BRMS1L: variants seen among roughly 807,000 people sequenced by gnomAD.
BRMS1L encodes the protein BRMS1 like transcriptional repressor.
Under a neutral mutation model 50.3 loss-of-function variants are expected in BRMS1L, and 23 were observed. The ratio of observed to expected loss-of-function variants is 0.46; its 90% CI spans 0.33 to 0.65. BRMS1L has a LOEUF of 0.65. BRMS1L is among the 30% of genes least tolerant of loss of function. The pLI, the probability that BRMS1L is intolerant of heterozygous loss-of-function variation, is 0.02. For synonymous variants in BRMS1L, 114 were observed against 126.9 expected, an observed-to-expected ratio of 0.90 and a Z score of 0.69; for missense variants, 286 against 386.1, an observed-to-expected ratio of 0.74 and a Z score of 2.17.
rs978322385 is a variant in BRMS1L, at chr14:35,831,828, G to A, written c.233+328G>A. Among the ~76,000 whole-genome samples the A allele has an allele frequency of 5.9e-5, 9 of 152,290 alleles. No individual in the cohort carries two copies. The Middle Eastern group carries it at 0.01, about 173-fold the overall frequency. The stretch of plus-strand genomic sequence containing the variant: ...CCAGCTACTTGGGAGGTTAAGGCAG[G>A]TGGATCAATTGAGCCCAGGAGGTCA... On this transcript the variant is annotated intron_variant, in intron 2 of 9. Transcript: ENST00000216807.
At position 35,870,404 on chromosome 14, in the gene BRMS1L, G is replaced by A; in HGVS notation, c.899G>A (p.Arg300Lys). The A allele has an allele frequency of 6.2e-7, 1 of 1,608,896 alleles. No individual in the cohort carries two copies. Among genetic ancestry groups the A allele is most frequent in the Non-Finnish European group, 8.5e-7 (1 of 1,177,610 alleles). Reference protein sequence around the residue: ...TINHDEVWFKRPDGSKSKLYI... With the variant: ...TINHDEVWFKKPDGSKSKLYI... ...AACCATGATGAAGTTTGGTTTAAGA[G>A]GCCTGATGGAAGCAAATCTAAGCTT... The change falls in exon 10 of 10, where the codon AGG becomes AAG. Residue 300 changes from arginine (R) to lysine (K), a missense_variant. Around this residue, in one of 5 missense-constraint regions of BRMS1L, gnomAD observed 49 missense variants for 39.1 expected, o/e 1.25. Coordinates refer to ENST00000216807, the MANE Select transcript of BRMS1L (RefSeq NM_032352.4).
chr14:35,867,666 T>G, intron 8 of BRMS1L: 1 of 249,430 alleles, frequency 4.0e-6, no homozygotes, highest in Non-Finnish European at 7.5e-6. Context: ...ACTTAATTAG[T>G]CAATTGATGA....
intron 1 of BRMS1L, 79 bp downstream of exon 1, chr14:35,826,737 G>A (rs1250089072): frequency 6.4e-7 from 1 of 1,558,890 alleles, no homozygotes; most frequent in South Asian, 1.2e-5. Flanking sequence ...AGGCGGCTGC[G>A]TCCTGCTGGG....
intron 4 of BRMS1L, among the ~76,000 whole-genome samples, chr14:35,861,363 G>A (rs2078348841): frequency 6.6e-6 from 1 of 152,176 alleles, no homozygotes; most frequent in African/African-American, 2.4e-5. Context: ...TGTATTTAGA[G>A]TCATCTTTGG....
chr14:35,868,787 A>G (rs1472003868), intron 9 of BRMS1L, among the ~76,000 whole-genome samples: 1 of 152,166 alleles, frequency 6.6e-6, no homozygotes, highest in Non-Finnish European at 1.5e-5. Flanking sequence ...CTCTAACAAC[A>G]ACAACAACAA....
intron 8 of BRMS1L, 68 bp from the exon 9 acceptor site, chr14:35,867,838 A>G: frequency 6.9e-7 from 1 of 1,441,368 alleles, no homozygotes; most frequent in Non-Finnish European, 9.1e-7. Flanking sequence ...TTAATTGTTA[A>G]TGTTCTGACC....
chr14:35,848,112 C>T (rs1490734877), intron 4 of BRMS1L, among the ~76,000 whole-genome samples: 1 of 152,094 alleles, frequency 6.6e-6, no homozygotes, highest in East Asian at 1.9e-4. Flanking sequence ...TTTCAGGATG[C>T]TCCAGACTGT....
At chr14:35,867,802 CT>C in intron 8 of BRMS1L, 103 bp from the exon 9 acceptor site, 5 of 1,142,146 alleles carry the variant, frequency 4.4e-6, no homozygotes, top group South Asian at 3.0e-5. Context: ...ATTTTTAGGC[CT>C]TTTTTACATA....
intron 9 of BRMS1L, among the ~76,000 whole-genome samples, chr14:35,870,043 G>T (rs139199614): frequency 6.6e-6 from 1 of 151,050 alleles, no homozygotes; most frequent in Non-Finnish European, 1.5e-5. Context: ...TATACATAGC[G>T]CTTTTAGCTC....
At chr14:35,865,598 T>A in intron 7 of BRMS1L, 124 bp from the exon 8 acceptor site, 2 of 742,784 alleles carry the variant, frequency 2.7e-6, no homozygotes, top group Non-Finnish European at 4.3e-6. Context: ...AGCTAATGGT[T>A]ATACTTTACT....
chr14:35,848,381 G>C (rs2078164995), intron 4 of BRMS1L, among the ~76,000 whole-genome samples: 1 of 151,932 alleles, frequency 6.6e-6, no homozygotes, highest in South Asian at 2.1e-4. Context: ...GTCTTTCTCT[G>C]TTGCTATGTG....
chr14:35,840,163 G>A (rs1355612812), intron 4 of BRMS1L, among the ~76,000 whole-genome samples: 2 of 152,120 alleles, frequency 1.3e-5, no homozygotes, highest in East Asian at 3.8e-4. Context: ...TTTATGTGAT[G>A]GATTACGTTT....
chr14:35,826,847 C>G, intron 1 of BRMS1L, 189 bp downstream of exon 1: 1 of 818,524 alleles, frequency 1.2e-6, no homozygotes, highest in Non-Finnish European at 1.8e-6. Flanking sequence ...TGATGGGTCC[C>G]GGCGGCGGGG....
intron 9 of BRMS1L, 125 bp from the exon 10 acceptor site, chr14:35,870,235 T>C (rs1281308887): frequency 3.4e-6 from 2 of 591,606 alleles, no homozygotes; most frequent in African/African-American, 1.9e-5. Flanking sequence ...TTCTGGTAAA[T>C]GACAATTATA....
chr14:35,843,961 C>G (rs893637908), intron 4 of BRMS1L, among the ~76,000 whole-genome samples: 5 of 152,200 alleles, frequency 3.3e-5, no homozygotes, highest in African/African-American at 1.2e-4. Flanking sequence ...CCAGTTGCAA[C>G]TTCCTGGTGG....
At chr14:35,861,834 T>C (rs1275122572) in intron 4 of BRMS1L, among the ~76,000 whole-genome samples, 1 of 152,226 alleles carries the variant, frequency 6.6e-6, no homozygotes, top group Non-Finnish European at 1.5e-5. Flanking sequence ...TATCCAATTA[T>C]CTAATATCCT....
At chr14:35,864,393 C>T (rs541442704) in intron 6 of BRMS1L, among the ~76,000 whole-genome samples, 12 of 152,168 alleles carry the variant, frequency 7.9e-5, no homozygotes, top group African/African-American at 2.9e-4. Flanking sequence ...TCCCAAGTAG[C>T]TGGGACTACA....
At chr14:35,855,933 C>G (rs990272645) in intron 4 of BRMS1L, among the ~76,000 whole-genome samples, 1 of 152,162 alleles carries the variant, frequency 6.6e-6, no homozygotes, top group Non-Finnish European at 1.5e-5. Context: ...AATTAATGAG[C>G]AGCAGAACCA....
chr14:35,871,545 C>T lies in BRMS1L; in HGVS notation c.*1068C>T, dbSNP rs1175746861. On this transcript the variant is annotated 3_prime_UTR_variant, in exon 10 of 10. Coordinates refer to ENST00000216807, the MANE Select transcript of BRMS1L (RefSeq NM_032352.4). ...AGAATTGAAACCCTCAATATGGCAGCACAGCCGGCTGTAGTGTATATTTAG... is the reference window on the plus strand; with the variant it reads ...AGAATTGAAACCCTCAATATGGCAGTACAGCCGGCTGTAGTGTATATTTAG... The T allele has an allele frequency of 6.6e-6, 1 of 152,624 alleles. No individual in the cohort carries two copies. The highest frequency in any genetic ancestry group is 6.5e-5 in the Admixed American group (1 of 15,274). 9.5% of individuals were successfully genotyped at this position (152,624 alleles called of 1,614,324 possible).
Sources: gnomAD v4.1 joint callset for allele counts (sites outside exome capture counted in the v4.1 genomes callset) on GRCh38, gnomAD v4.1.1 for gene constraint, gnomAD v4.1.1 regional missense constraint, MANE v1.5 for transcripts, NCBI Gene and HGNC (gene_info 2026-07-23, HGNC 2026-07-21) for gene names.